The following NCAPG2 variants were observed in gnomAD, a reference collection of about 807,000 sequenced individuals.
NCAPG2 encodes non-SMC condensin II complex subunit G2.
In NCAPG2, 53 loss-of-function variants were observed where a neutral mutation model predicts 141.1. The observed-to-expected ratio is 0.38, with a 90% CI of 0.30 to 0.47. The LOEUF (loss-of-function observed/expected upper bound fraction) is 0.47. Among genes scored for constraint, NCAPG2 ranks in the 20% least tolerant of loss-of-function variants. NCAPG2 has a pLI of 0.99. For missense variants in NCAPG2, 1,087 were observed against 1,389.0 expected (o/e 0.78, Z 3.46); for synonymous variants, 499 against 490.7 (o/e 1.02, Z -0.22).
chr7:158,657,062 A>G (rs1421435114), intron 17 of NCAPG2, among the ~76,000 whole-genome samples: 1 of 152,210 alleles, frequency 6.6e-6, no homozygotes, highest in Non-Finnish European at 1.5e-5. Context: ...TCTTCCACAA[A>G]TATGAATAAA....
rs745369331 is a variant in NCAPG2 at position 158,664,308 on chromosome 7, A to G, written c.1703-12T>C. On this transcript the variant is annotated splice_polypyrimidine_tract_variant and intron_variant, in intron 14 of 27. Coordinates refer to ENST00000356309, the MANE Select transcript of NCAPG2 (RefSeq NM_017760.7). ...GTGAATCAGCTTTGCTGAAATGTTT[A>G]GGATAAACAAGAATTAATGGATGTG... The G allele has an allele frequency of 1.3e-5, 20 of 1,593,366 alleles. No homozygotes were observed. In the South Asian group the frequency reaches 2.0e-4, roughly 16 times the overall value.
intron 12 of NCAPG2, among the ~76,000 whole-genome samples, chr7:158,672,290 GTGTATATATATATA>G (rs1833753021): frequency 4.0e-5 from 1 of 24,708 alleles, no homozygotes; most frequent in African/African-American, 1.7e-4. Flanking sequence ...GTGTGTGTGT[GTGTATATATATATA>G]TATATATATA....
intron 8 of NCAPG2, among the ~76,000 whole-genome samples, chr7:158,684,102 A>C (rs1183638247): frequency 6.6e-6 from 1 of 152,220 alleles, no homozygotes; most frequent in Non-Finnish European, 1.5e-5. Context: ...GCAGATGCTC[A>C]AGTTCCTCTT....
chr7:158,667,437 CTT>C (rs1833138184), intron 13 of NCAPG2, among the ~76,000 whole-genome samples: 1 of 141,364 alleles, frequency 7.1e-6, no homozygotes, highest in Non-Finnish European at 1.5e-5. Flanking sequence ...CTCCGCCCTC[CTT>C]ACCCACTACT....
Position 158,656,713 on chromosome 7 carries a change from T to C in NCAPG2, c.2061-8A>G. ...GTGGAAATCACACCACAGCTGAAAATGTCAGACGGAAAATCGGACTGAGTA... is the reference window on the plus strand; with the variant it reads ...GTGGAAATCACACCACAGCTGAAAACGTCAGACGGAAAATCGGACTGAGTA... On this transcript the variant is annotated splice_region_variant and splice_polypyrimidine_tract_variant and intron_variant, in intron 17 of 27. Transcript: ENST00000356309. The C allele has an allele frequency of 1.2e-6, 2 of 1,612,828 alleles. No individual in the cohort carries two copies. The highest frequency in any genetic ancestry group is 1.7e-6 in the Non-Finnish European group (2 of 1,179,462).
At chr7:158,661,307 C>T (rs1474362665) in intron 16 of NCAPG2, among the ~76,000 whole-genome samples, 2 of 152,336 alleles carry the variant, frequency 1.3e-5, no homozygotes, top group East Asian at 3.9e-4. Context: ...ATTTAAACCA[C>T]ACTTTCTTCA....
chr7:158,642,680 A>T (rs1368617498), intron 27 of NCAPG2, among the ~76,000 whole-genome samples: 1 of 152,200 alleles, frequency 6.6e-6, no homozygotes, highest in African/African-American at 2.4e-5. Flanking sequence ...AAAAATCTAA[A>T]ATCAATCATC....
rs531462038 is a variant in NCAPG2 at position 158,702,044 on chromosome 7, G to A, written c.-39-106C>T. The A allele has an allele frequency of 5.4e-5, 33 of 612,496 alleles. No individual in the cohort carries two copies. In the African/African-American group the frequency reaches 6.0e-4, roughly 11 times the overall value. 37.9% of individuals were successfully genotyped at this position (612,496 alleles called of 1,614,324 possible). A position where few individuals can be genotyped will look rare whatever the true frequency, so the allele number is the denominator to read the frequency against. On this transcript the variant is annotated intron_variant, in intron 1 of 27. Transcript: ENST00000356309. The stretch of plus-strand genomic sequence containing the variant: ...AACTGCAAGAAAATTCCTCAACCAC[G>A]TATGGCAGACAGTTTCTAAAAACAT...
At chr7:158,661,492 A>G (rs962916133) in intron 16 of NCAPG2, among the ~76,000 whole-genome samples, 1 of 152,192 alleles carries the variant, frequency 6.6e-6, no homozygotes, top group Non-Finnish European at 1.5e-5. Flanking sequence ...AAAGGATTCA[A>G]AATTGCAGTT....
rs75480791 is a variant in NCAPG2 at position 158,663,518 on chromosome 7, A to C, written c.1815+666T>G. ...ATGGGGCATGAGCAGGGCCTGGGTGAGCCATCTGCTGCCCCTGCTAGGAAG... is the reference window on the plus strand; with the variant it reads ...ATGGGGCATGAGCAGGGCCTGGGTGCGCCATCTGCTGCCCCTGCTAGGAAG... On this transcript the variant is annotated intron_variant, in intron 15 of 27. Coordinates refer to ENST00000356309, the MANE Select transcript of NCAPG2 (RefSeq NM_017760.7). 5.0e-3 allele frequency among the ~76,000 whole-genome samples: 758 copies of C among 152,324 alleles called. 44 individuals are homozygous for C. The East Asian group carries it at 0.12, about 24-fold the overall frequency.
chr7:158,657,000 G>C (rs1450789098), intron 17 of NCAPG2, among the ~76,000 whole-genome samples: 1 of 152,116 alleles, frequency 6.6e-6, no homozygotes, highest in Non-Finnish European at 1.5e-5. Flanking sequence ...TCTAGAGCAA[G>C]AGTTTCTACT....
rs1296090964 is a variant in NCAPG2, at chr7:158,692,879, G to A, written c.345C>T (p.Asn115=). ...TAACACATTCCAGTAGGGCTTCGTAGTTCTCACTTTCATTTATTACAGACA... is the reference window on the plus strand; with the variant it reads ...TAACACATTCCAGTAGGGCTTCGTAATTCTCACTTTCATTTATTACAGACA... The part of the protein sequence containing the change: ...ASVSVINESE[N]YEALLECVII... Residue 115 remains asparagine, a synonymous_variant, in exon 4 of 28, where the codon AAC becomes AAT. Coordinates refer to ENST00000356309, the MANE Select transcript of NCAPG2 (RefSeq NM_017760.7). 3 of 1,590,072 alleles carry A rather than the reference G, an allele frequency of 1.9e-6. No homozygotes were observed. The highest frequency in any genetic ancestry group is 2.6e-6 in the Non-Finnish European group (3 of 1,162,308).
At chr7:158,635,589 C>T (rs541366209) in intron 27 of NCAPG2, among the ~76,000 whole-genome samples, 38 of 152,264 alleles carry the variant, frequency 2.5e-4, no homozygotes, top group African/African-American at 9.1e-4. Flanking sequence ...ATTTAACATA[C>T]TTGACATTTA....
chr7:158,665,116 T>TA (rs1364728348), intron 13 of NCAPG2: 1 of 188,564 alleles, frequency 5.3e-6, no homozygotes, highest in Non-Finnish European at 1.1e-5. Context: ...GAAAAGTGAG[T>TA]AAAAATATAT....
intron 19 of NCAPG2, 43 bp downstream of exon 19, chr7:158,656,217 C>A (rs1475788920): frequency 1.9e-6 from 3 of 1,594,810 alleles, no homozygotes; most frequent in Non-Finnish European, 8.6e-7. Flanking sequence ...TTGTCACCCC[C>A]ACAATCATAG....
intron 14 of NCAPG2, 45 bp downstream of exon 14, chr7:158,664,483 T>G (rs768222850): frequency 1.9e-6 from 3 of 1,586,080 alleles, no homozygotes; most frequent in Non-Finnish European, 2.6e-6. Flanking sequence ...ATTATGCTTT[T>G]GGGGGAAAAC....
chr7:158,653,650 G>T (rs1005917014), intron 22 of NCAPG2, among the ~76,000 whole-genome samples: 17 of 152,160 alleles, frequency 1.1e-4, no homozygotes, highest in African/African-American at 4.1e-4. Flanking sequence ...AAGGCTATGG[G>T]AAAGAGACTA....
intron 27 of NCAPG2, among the ~76,000 whole-genome samples, chr7:158,638,015 A>G (rs182967143): frequency 8.0e-4 from 122 of 152,196 alleles, no homozygotes; most frequent in African/African-American, 2.7e-3. Flanking sequence ...ATGGTGGCGC[A>G]TGCCTGTAAT....
chr7:158,648,304 T>TA lies in NCAPG2; in HGVS notation c.3076-1742dup, dbSNP rs899683839. ...GTGCTGAGATCTCTAGAGAAATCAC[T>TA]AAAAAAAAAAATTACACAAAAGATA... On this transcript the variant is annotated intron_variant, in intron 24 of 27. Coordinates refer to ENST00000356309, the MANE Select transcript of NCAPG2 (RefSeq NM_017760.7). 1.9e-3 allele frequency among the ~76,000 whole-genome samples: 260 copies of TA among 136,940 alleles called. 1 individual carries two copies. The highest frequency in any genetic ancestry group is 1.7e-3 in the East Asian group (8 of 4,774). The allele number at this position is 136,940 out of a possible 152,430, so 89.8% of individuals were successfully genotyped here.
Sources: gnomAD v4.1 joint callset for allele counts (sites outside exome capture counted in the v4.1 genomes callset) on GRCh38, gnomAD v4.1.1 for gene constraint, MANE v1.5 for transcripts, NCBI Gene and HGNC (gene_info 2026-07-23, HGNC 2026-07-21) for gene names.